ZNF808: variants seen among roughly 807,000 people sequenced by gnomAD.
ZNF808 encodes the protein zinc finger protein 808.
In ZNF808, 5 loss-of-function variants were observed where a neutral mutation model predicts 8.7. That is an observed-to-expected ratio of 0.58 (90% CI 0.30 to 1.21). ZNF808 has a LOEUF of 1.21. Ranked by LOEUF, ZNF808 falls within the 50% of genes most tolerant of loss-of-function variation. The pLI is 0.07. For missense variants in ZNF808, 1,103 were observed against 1,098.4 expected, an observed-to-expected ratio of 1.00 and a Z score of -0.06; for synonymous variants, 380 against 366.0, an observed-to-expected ratio of 1.04 and a Z score of -0.44.
chr19:52,557,427 C>T (rs143357525), downstream of ZNF808, among the ~76,000 whole-genome samples: 760 of 152,082 alleles, frequency 5.0e-3, 4 homozygotes, highest in African/African-American at 0.018. Context: ...CCACCACTCC[C>T]GGCTAATTTT....
chr19:52,551,805 C>G (rs1396675018), intron 4 of ZNF808, among the ~76,000 whole-genome samples: 1 of 151,412 alleles, frequency 6.6e-6, no homozygotes, highest in African/African-American at 2.4e-5. Flanking sequence ...GAGTTTGAGA[C>G]CAGCCTGGCC....
intron 4 of ZNF808, among the ~76,000 whole-genome samples, chr19:52,548,578 A>G (rs2123162617): frequency 6.6e-6 from 1 of 151,926 alleles, no homozygotes; most frequent in South Asian, 2.1e-4. Context: ...ATGTGTCACC[A>G]CACCCGGGTA....
At chr19:52,541,089 C>T (rs561286536) in intron 2 of ZNF808, among the ~76,000 whole-genome samples, 2 of 152,042 alleles carry the variant, frequency 1.3e-5, no homozygotes, top group South Asian at 2.1e-4. Flanking sequence ...GTAGCAGGGA[C>T]TACAGGCCCC....
Position 52,554,576 on chromosome 19 carries a change from C to G in ZNF808, c.1660C>G (p.Leu554Val). ...CAAGGTTTTCATGCGTAATTCAGTC[C>G]TGGCTGTACATACTAGAATTCACAC... Reference protein sequence around the residue: ...CNKVFMRNSVLAVHTRIHTAK... With the variant: ...CNKVFMRNSVVAVHTRIHTAK... Residue 554 changes from leucine (L) to valine (V), a missense_variant, in exon 5 of 5, where the codon CTG becomes GTG. Coordinates refer to ENST00000359798, the MANE Select transcript of ZNF808 (RefSeq NM_001039886.4). The G allele has an allele frequency of 6.2e-7, 1 of 1,613,350 alleles. No individual in the cohort carries two copies. Among genetic ancestry groups the G allele is most frequent in the South Asian group, 1.1e-5 (1 of 90,950 alleles).
At chr19:52,529,121 G>A (rs1175704610) in intron 1 of ZNF808, among the ~76,000 whole-genome samples, 1 of 151,728 alleles carries the variant, frequency 6.6e-6, no homozygotes, top group Non-Finnish European at 1.5e-5. Flanking sequence ...CACGCCTGTA[G>A]TCTCCACACT....
chr19:52,554,295 G>A lies in ZNF808; in HGVS notation c.1379G>A (p.Cys460Tyr), dbSNP rs2059809851. ...GAGAAACCATACAAATGTAAGGTTT[G>A]TGATACAGCTTTCACGTGTAATTCA... Reference protein sequence around the residue: ...TGEKPYKCKVCDTAFTCNSQL... With the variant: ...TGEKPYKCKVYDTAFTCNSQL... The change falls in exon 5 of 5, where the codon TGT (cysteine) becomes TAT (tyrosine). Residue 460 changes from cysteine to tyrosine, a missense_variant. Transcript: ENST00000359798. The A allele has an allele frequency of 1.2e-6, 2 of 1,614,040 alleles. No homozygotes were observed. The highest frequency in any genetic ancestry group is 1.3e-5 in the African/African-American group (1 of 74,916).
chr19:52,559,313 T>C (rs992434037), downstream of ZNF808, among the ~76,000 whole-genome samples: 4 of 152,166 alleles, frequency 2.6e-5, no homozygotes, highest in African/African-American at 7.2e-5. Context: ...TACTGCTCTT[T>C]AAGGCATTGA....
At position 52,555,363 on chromosome 19, in the gene ZNF808, A is replaced by G. The variant is rs2059826208; in HGVS notation, c.2447A>G (p.Glu816Gly). 5 of 1,614,086 alleles carry G rather than the reference A, an allele frequency of 3.1e-6. No homozygotes were observed. The highest frequency in any genetic ancestry group is 4.2e-6 in the Non-Finnish European group (5 of 1,180,028). Residue 816 changes from glutamate (E) to glycine (G), a missense_variant, in exon 5 of 5, where the codon GAG (glutamate) becomes GGG (glycine). Physicochemically the swap from Glu to Gly is moderately conservative, Grantham distance 98. Coordinates refer to ENST00000359798, the MANE Select transcript of ZNF808 (RefSeq NM_001039886.4). ...AGACATATTAGAATTCACACTGCAG[A>G]GAAACCTTACAAGTGTAATGAATGT... is the stretch of plus-strand genomic sequence containing the variant. ...LARHIRIHTA[E>G]KPYKCNECGK...
intron 2 of ZNF808, among the ~76,000 whole-genome samples, chr19:52,539,121 A>G (rs2059642859): frequency 6.6e-6 from 1 of 151,452 alleles, no homozygotes; most frequent in Non-Finnish European, 1.5e-5. Context: ...TGAAAGGAGT[A>G]TTAAAAGTGC....
In ZNF808 at chr19:52,553,420, C is replaced by T; in HGVS notation, c.504C>T (p.His168=). The T allele has an allele frequency of 6.2e-7, 1 of 1,614,196 alleles. No individual in the cohort carries two copies. Among genetic ancestry groups the T allele is most frequent in the Non-Finnish European group, 8.5e-7 (1 of 1,180,036 alleles). Residue 168 remains histidine (H), a synonymous_variant, in exon 5 of 5, where the codon CAC becomes CAT. Transcript: ENST00000359798. ...TTTATTCACATCTGCCTGAACTCCA[C>T]ATATTTCAGATCAAAGGTGAAATTG... is the stretch of plus-strand genomic sequence containing the variant. The part of the protein sequence containing the change: ...SSFYSHLPEL[H]IFQIKGEIAN...
At chr19:52,549,888 C>T (rs538973185) in intron 4 of ZNF808, among the ~76,000 whole-genome samples, 73 of 152,194 alleles carry the variant, frequency 4.8e-4, no homozygotes, top group Middle Eastern at 3.4e-3. Context: ...TATAGGAGGC[C>T]GCTTAAATCA....
At chr19:52,531,450 G>C (rs532439050) in intron 1 of ZNF808, among the ~76,000 whole-genome samples, 69 of 151,978 alleles carry the variant, frequency 4.5e-4, no homozygotes, top group African/African-American at 1.6e-3. Context: ...ACTCCAGCCT[G>C]GGCAGCAAGA....
At chr19:52,561,847 G>A (rs930111945) in intron 3 of ZNF808, among the ~76,000 whole-genome samples, 2 of 152,100 alleles carry the variant, frequency 1.3e-5, no homozygotes. Context: ...GTGCCTGGCT[G>A]CCTCCAGGGT....
In ZNF808 at chr19:52,541,686, T is replaced by TA. The variant is rs914791334; in HGVS notation, c.-19-1568dup. Among the ~76,000 whole-genome samples, 664 of 141,882 alleles carry TA rather than the reference T, an allele frequency of 4.7e-3. 4 individuals are homozygous for TA. Among genetic ancestry groups the TA allele is most frequent in the African/African-American group, 0.014 (550 of 38,620 alleles). The allele number at this position is 141,882 out of a possible 152,430, so 93.1% of individuals were successfully genotyped here. A position where few individuals can be genotyped will look rare whatever the true frequency, so the allele number is the denominator to read the frequency against. On this transcript the variant is annotated intron_variant, in intron 2 of 4. Coordinates refer to ENST00000359798, the MANE Select transcript of ZNF808 (RefSeq NM_001039886.4). ...AAAGGGATTCCAGTTCTCCAAATAT[T>TA]AAAAAAAAAAAAGCACAAGATGATT...
chr19:52,557,025 T>G (rs534139271), downstream of ZNF808, among the ~76,000 whole-genome samples: 5 of 152,246 alleles, frequency 3.3e-5, no homozygotes, highest in Admixed American at 2.0e-4. Context: ...TTGGATGGAG[T>G]GCAGTGGTGC....
chr19:52,539,241 T>C (rs1035610179), intron 2 of ZNF808, among the ~76,000 whole-genome samples: 9 of 146,390 alleles, frequency 6.1e-5, no homozygotes, highest in Non-Finnish European at 1.2e-4. Context: ...TCACGCAGGC[T>C]GGAGTGGAGT....
chr19:52,566,047 A>G (rs753494972), downstream of ZNF808, among the ~76,000 whole-genome samples: 6 of 152,210 alleles, frequency 3.9e-5, no homozygotes, highest in Non-Finnish European at 7.3e-5. Flanking sequence ...TATAATGGAA[A>G]GCACAAATCA....
intron 3 of ZNF808, among the ~76,000 whole-genome samples, chr19:52,563,025 C>T (rs548585544): frequency 6.6e-6 from 1 of 152,168 alleles, no homozygotes; most frequent in African/African-American, 2.4e-5. Flanking sequence ...CTGCCCTCCT[C>T]TGCCCCCCAA....
At chr19:52,565,686 C>G (rs1422267466), downstream of ZNF808, among the ~76,000 whole-genome samples, 2 of 152,208 alleles carry the variant, frequency 1.3e-5, no homozygotes, top group African/African-American at 2.4e-5. Context: ...CCTCCACCCT[C>G]TCTCACATAT....
Sources: allele counts gnomAD v4.1 joint callset (sites outside exome capture counted in the v4.1 genomes callset), GRCh38; gene constraint gnomAD v4.1.1; transcripts MANE v1.5; gene names NCBI Gene and HGNC (gene_info 2026-07-23, HGNC 2026-07-21).